MBNL2: variants seen among roughly 807,000 people sequenced by gnomAD.
MBNL2 encodes the protein muscleblind-like protein 2.
MBNL2 carries 17 observed loss-of-function variants against 41.9 expected under a neutral mutation model. The ratio of observed to expected loss-of-function variants is 0.41; its 90% confidence interval spans 0.28 to 0.61. The LOEUF (loss-of-function observed/expected upper bound fraction) is 0.61. MBNL2 is among the 20% of genes least tolerant of loss of function. The probability of loss-of-function intolerance (pLI) is 0.35; values close to 1 mark genes in which losing one functional copy is unlikely to be tolerated. For synonymous variants in MBNL2, 195 were observed against 182.9 expected (o/e 1.07, Z -0.53); for missense variants, 336 against 505.6 (o/e 0.66, Z 3.22).
chr13:97,277,059 G>C (rs1396940118), intron 2 of MBNL2, among the ~76,000 whole-genome samples: 1 of 152,166 alleles, frequency 6.6e-6, no homozygotes, highest in African/African-American at 2.4e-5. Flanking sequence ...ATGCCTTGTG[G>C]GAGGAACAGA....
chr13:97,240,316 C>T (rs757512916), intron 1 of MBNL2, among the ~76,000 whole-genome samples: 16 of 152,218 alleles, frequency 1.1e-4, no homozygotes, highest in Non-Finnish European at 2.9e-5. Context: ...CAGATTTTGA[C>T]ATCGATTTGA....
At chr13:97,280,396 G>C (rs2053126084) in intron 2 of MBNL2, among the ~76,000 whole-genome samples, 2 of 152,238 alleles carry the variant, frequency 1.3e-5, no homozygotes, top group East Asian at 3.9e-4. Flanking sequence ...GCTTTAAAAA[G>C]GGACACAATT....
the MBNL2 span, among the ~76,000 whole-genome samples, chr13:97,143,814 T>C: frequency 6.6e-6 from 1 of 152,286 alleles, no homozygotes; most frequent in East Asian, 1.9e-4. Flanking sequence ...ATGATGGCTA[T>C]GGAGGAAGAG....
chr13:97,360,679 G>T (rs147773764), intron 7 of MBNL2, among the ~76,000 whole-genome samples: 1 of 152,160 alleles, frequency 6.6e-6, no homozygotes, highest in East Asian at 1.9e-4. Flanking sequence ...TGTCTACACC[G>T]CAAAGTGGAA....
At chr13:97,251,829 C>G (rs1372443557) in intron 1 of MBNL2, among the ~76,000 whole-genome samples, 2 of 136,300 alleles carry the variant, frequency 1.5e-5, no homozygotes, top group African/African-American at 5.5e-5. Flanking sequence ...CTTGTATCCT[C>G]AATTCTTTTT....
chr13:97,346,439 T>C lies in MBNL2; in HGVS notation c.541-365T>C, dbSNP rs886321064. 6.6e-6 allele frequency among the ~76,000 whole-genome samples: 1 copy of C among 152,116 alleles called. No individual in the cohort carries two copies. The highest frequency in any genetic ancestry group is 3.4e-3 in the Middle Eastern group (1 of 294). On this transcript the variant is annotated intron_variant, in intron 4 of 8. Transcript: ENST00000679496. This position sits in a 1 kb window ranked among gnomAD's most constrained non-coding sequence, Gnocchi z 4.2. ...AGGAATGGATGCATGGATAAATAGA[T>C]AGATGATAGATATATGGATGGATGG...
At chr13:97,170,797 A>C in the MBNL2 span, among the ~76,000 whole-genome samples, 2 of 152,220 alleles carry the variant, frequency 1.3e-5, no homozygotes, top group Admixed American at 1.3e-4. Flanking sequence ...GTTCATGTCT[A>C]CAGTTTAGCA....
chr13:97,225,214 G>T (rs138779283), intron 1 of MBNL2, among the ~76,000 whole-genome samples: 40 of 152,314 alleles, frequency 2.6e-4, no homozygotes, highest in African/African-American at 9.4e-4. Context: ...AAGATTCCAA[G>T]CAAGAATTGG....
Position 97,328,881 on chromosome 13 carries a change from C to T in MBNL2, c.175-5395C>T, listed in dbSNP as rs112687725. The stretch of plus-strand genomic sequence containing the variant: ...TTAGGAGCATACTAGAAAAAGATTC[C>T]AAAAATTACTTGTTTTAAAATAAGC... On this transcript the variant is annotated intron_variant, in intron 2 of 8. Transcript: ENST00000679496. Among the ~76,000 whole-genome samples the T allele has an allele frequency of 4.2e-3, 640 of 152,102 alleles. 7 individuals are homozygous for T. The highest frequency in any genetic ancestry group is 0.015 in the African/African-American group (615 of 41,498).
intron 1 of MBNL2, among the ~76,000 whole-genome samples, chr13:97,247,162 A>T (rs1055558428): frequency 2.6e-5 from 4 of 152,238 alleles, no homozygotes; most frequent in African/African-American, 9.6e-5. Context: ...AAAGATAATA[A>T]TTGTATTAAA....
chr13:97,384,668 G>A (rs769364609), intron 8 of MBNL2, among the ~76,000 whole-genome samples: 11 of 152,202 alleles, frequency 7.2e-5, no homozygotes, highest in East Asian at 1.9e-4. Flanking sequence ...AGCAACGTGC[G>A]AGCCTCCTTA....
intron 2 of MBNL2, among the ~76,000 whole-genome samples, chr13:97,325,440 T>A (rs923834519): frequency 2.0e-5 from 3 of 152,206 alleles, no homozygotes; most frequent in Non-Finnish European, 4.4e-5. Flanking sequence ...CATTTAAAAT[T>A]TTTTTAAAGA....
chr13:97,150,494 G>A, the MBNL2 span, among the ~76,000 whole-genome samples: 1 of 152,178 alleles, frequency 6.6e-6, no homozygotes, highest in African/African-American at 2.4e-5. Flanking sequence ...AGGCCAATAA[G>A]AGTAAAATTT....
rs1302153093 is a variant in MBNL2 at position 97,268,350 on chromosome 13, C to A, written c.-604-7282C>A. 6.6e-6 allele frequency among the ~76,000 whole-genome samples: 1 copy of A among 152,196 alleles called. No homozygotes were observed. Among genetic ancestry groups the A allele is most frequent in the East Asian group, 1.9e-4 (1 of 5,198 alleles). On this transcript the variant is annotated intron_variant, in intron 1 of 8. Coordinates refer to ENST00000679496, the MANE Select transcript of MBNL2 (RefSeq NM_001382683.1). The surrounding 1 kb of genome is among the most constrained non-coding windows in gnomAD (Gnocchi z 4.6). ...CTCCTGACTTCAAATGATCCATCTG[C>A]CTCGGCCTCCCAAACGCTGGGATTA...
chr13:97,208,590 A>T, the MBNL2 span, among the ~76,000 whole-genome samples: 1 of 152,234 alleles, frequency 6.6e-6, no homozygotes. Context: ...ATGTAAAAAA[A>T]GTCTCAGTGG....
chr13:97,180,998 C>T, the MBNL2 span, among the ~76,000 whole-genome samples: 18 of 152,188 alleles, frequency 1.2e-4, no homozygotes, highest in African/African-American at 3.9e-4. Context: ...AGGTCATCTG[C>T]ACTGTGTATT....
the MBNL2 span, among the ~76,000 whole-genome samples, chr13:97,155,857 A>C: frequency 6.8e-6 from 1 of 147,424 alleles, no homozygotes; most frequent in Non-Finnish European, 1.5e-5. Context: ...CAATAAACAT[A>C]CGTGTGCATG....
In MBNL2 at chr13:97,364,377, C is replaced by T. The variant is rs536414971; in HGVS notation, c.1013-759C>T. ...CCCAACTCTGCACTATTTTGCTCTA[C>T]AGTGTTTAAGCTTTATTGCCAGGCA... is the stretch of plus-strand genomic sequence containing the variant. On this transcript the variant is annotated intron_variant, in intron 7 of 8. Transcript: ENST00000679496. Among the ~76,000 whole-genome samples the T allele has an allele frequency of 1.2e-4, 18 of 152,274 alleles. No individual in the cohort carries two copies. The South Asian group carries it at 3.5e-3, about 30-fold the overall frequency.
chr13:97,230,693 A>G (rs1474621373), intron 1 of MBNL2, among the ~76,000 whole-genome samples: 1 of 152,224 alleles, frequency 6.6e-6, no homozygotes, highest in East Asian at 1.9e-4. Flanking sequence ...AAAATGAACA[A>G]CCAATACTAT....
Sources: allele counts gnomAD v4.1 joint callset (sites outside exome capture counted in the v4.1 genomes callset), GRCh38; gene constraint gnomAD v4.1.1; non-coding constraint Gnocchi (gnomAD v3.1); transcripts MANE v1.5; gene names NCBI Gene and HGNC (gene_info 2026-07-23, HGNC 2026-07-21).